The following LAYN variants were observed in gnomAD, a reference collection of about 807,000 sequenced individuals.
LAYN encodes layilin.
In LAYN, 38 loss-of-function variants were observed where a neutral mutation model predicts 43.6. The ratio of observed to expected loss-of-function variants is 0.87; its 90% CI spans 0.67 to 1.14. The LOEUF (loss-of-function observed/expected upper bound fraction) is 1.14, where lower values mean the gene tolerates loss of function less well. LAYN is among the 50% of genes most tolerant of loss of function. The pLI, the probability that LAYN is intolerant of heterozygous loss-of-function variation, is 0.00. For synonymous variants in LAYN, 168 were observed against 172.9 expected (o/e 0.97, Z 0.22); for missense variants, 479 against 463.8 (o/e 1.03, Z -0.30).
chr11:111,560,133 A>T lies in LAYN; in HGVS notation c.800A>T (p.His267Leu), dbSNP rs1477037042. 12 of 1,613,526 alleles carry T rather than the reference A, an allele frequency of 7.4e-6. No individual in the cohort carries two copies. The highest frequency in any genetic ancestry group is 8.5e-6 in the Non-Finnish European group (10 of 1,179,694). ...CCAGACCCTAGCACAAAGAAGCAACACACCATCTGGCCCTCTCCTCACCAG... is the reference window on the plus strand; with the variant it reads ...CCAGACCCTAGCACAAAGAAGCAACTCACCATCTGGCCCTCTCCTCACCAG... ...EQPDPSTKKQ[H>L]TIWPSPHQGN... Residue 267 changes from histidine (H) to leucine (L), a missense_variant, in exon 7 of 7, where the codon CAC becomes CTC. Transcript: ENST00000375614.
intron 3 of LAYN, among the ~76,000 whole-genome samples, chr11:111,553,675 A>G (rs1229956741): frequency 6.6e-6 from 1 of 150,984 alleles, no homozygotes; most frequent in Non-Finnish European, 1.5e-5. Context: ...TAGACATTGT[A>G]TAACTGGGTT....
chr11:111,540,830 AC>A lies in LAYN; in HGVS notation c.-11del. ...GTAGCGCCCGAGTGTCGGGGGGCGC[AC>A]CCGAGTCGGGCCATGAGGCCGGGAA... On this transcript the variant is annotated 5_prime_UTR_variant, in exon 1 of 7. Transcript: ENST00000375614. 4 of 1,520,928 alleles carry A rather than the reference AC, an allele frequency of 2.6e-6. No individual in the cohort carries two copies. Among genetic ancestry groups the A allele is most frequent in the Non-Finnish European group, 3.5e-6 (4 of 1,141,292 alleles). 94.2% of individuals were successfully genotyped at this position (1,520,928 alleles called of 1,614,324 possible).
intron 1 of LAYN, 129 bp from the exon 2 acceptor site, chr11:111,543,794 A>G (rs900379232): frequency 2.7e-6 from 2 of 731,266 alleles, no homozygotes; most frequent in African/African-American, 3.5e-5. Context: ...CCCAACTGAC[A>G]TGATAACAGT....
At chr11:111,555,523 A>C (rs1043401074) in intron 5 of LAYN, among the ~76,000 whole-genome samples, 17 of 152,214 alleles carry the variant, frequency 1.1e-4, no homozygotes. Context: ...AAAAATTTGC[A>C]TGAAGACAGA....
chr11:111,558,523 G>T (rs899253041), intron 6 of LAYN, among the ~76,000 whole-genome samples: 1 of 151,850 alleles, frequency 6.6e-6, no homozygotes, highest in Non-Finnish European at 1.5e-5. Context: ...TATTTCCTTT[G>T]AATCTTAAAG....
intron 2 of LAYN, among the ~76,000 whole-genome samples, chr11:111,548,172 C>T (rs1359564238): frequency 6.6e-6 from 1 of 152,068 alleles, no homozygotes; most frequent in Non-Finnish European, 1.5e-5. Context: ...CAACTTGCAC[C>T]CTGTGTCCAA....
intron 6 of LAYN, 26 bp downstream of exon 6, chr11:111,557,669 C>T: frequency 2.6e-6 from 4 of 1,533,974 alleles, no homozygotes; most frequent in Non-Finnish European, 3.6e-6. Flanking sequence ...ATTGTGTAAA[C>T]CTTTGCATCT....
At chr11:111,550,900 C>G (rs1051872362) in intron 3 of LAYN, among the ~76,000 whole-genome samples, 2 of 152,066 alleles carry the variant, frequency 1.3e-5, no homozygotes. Context: ...CTTTAATATC[C>G]TTTTATTTTG....
intron 3 of LAYN, chr11:111,551,220 A>G: frequency 2.5e-6 from 1 of 397,280 alleles, no homozygotes; most frequent in Non-Finnish European, 5.0e-6. Context: ...TTACCACAAA[A>G]TGCAGCTACT....
rs1369345273 is a variant in LAYN, at chr11:111,549,782, A to G, written c.541+7A>G. 6.3e-7 allele frequency: 1 copy of G among 1,598,878 alleles called. No individual in the cohort carries two copies. The highest frequency in any genetic ancestry group is 1.1e-5 in the South Asian group (1 of 87,574). On this transcript the variant is annotated splice_region_variant and intron_variant, in intron 3 of 6. Coordinates refer to ENST00000375614, the MANE Select transcript of LAYN (RefSeq NM_178834.5). ...ATTTGCAAATATTCTGATGGTAATG[A>G]ATCCTCTCCCAAGCTATGCGGCTGA...
intron 3 of LAYN, 128 bp downstream of exon 3, chr11:111,549,903 A>G: frequency 1.0e-6 from 1 of 967,808 alleles, no homozygotes; most frequent in Non-Finnish European, 1.5e-6. Flanking sequence ...GCAACATAAA[A>G]CCTTAAGAAT....
At chr11:111,551,331 A>G (rs1412010714) in intron 3 of LAYN, 1 of 456,168 alleles carries the variant, frequency 2.2e-6, no homozygotes, top group Admixed American at 2.4e-5. Flanking sequence ...TCATTGGCTA[A>G]GTCCAATCAG....
At chr11:111,546,636 G>T (rs1198998954) in intron 2 of LAYN, among the ~76,000 whole-genome samples, 1 of 152,252 alleles carries the variant, frequency 6.6e-6, no homozygotes, top group African/African-American at 2.4e-5. Flanking sequence ...TGTCATGGAA[G>T]TCTGCTTTAC....
At chr11:111,555,360 AT>A in intron 5 of LAYN, 70 bp downstream of exon 5, 2 of 1,128,850 alleles carry the variant, frequency 1.8e-6, no homozygotes, top group Non-Finnish European at 2.6e-6. Context: ...CCATGGTTGA[AT>A]TCCCTACTTT....
At position 111,560,613 on chromosome 11, in the gene LAYN, C is replaced by T. The variant is rs1867939659; in HGVS notation, c.*155C>T. The T allele has an allele frequency of 2.4e-6, 2 of 828,048 alleles. No homozygotes were observed. The highest frequency in any genetic ancestry group is 5.4e-5 in the East Asian group (2 of 37,078). 51.3% of individuals were successfully genotyped at this position (828,048 alleles called of 1,614,324 possible). On this transcript the variant is annotated 3_prime_UTR_variant, in exon 7 of 7. Coordinates refer to ENST00000375614, the MANE Select transcript of LAYN (RefSeq NM_178834.5). Reference sequence around the variant, plus strand: ...GTCCCCACGACCTCCTGTTGGACCCCCACGTTTTGGCTGTATCCTTTATCC... The same window carrying T: ...GTCCCCACGACCTCCTGTTGGACCCTCACGTTTTGGCTGTATCCTTTATCC...
At chr11:111,541,372 G>A in intron 1 of LAYN, 1 of 634,170 alleles carries the variant, frequency 1.6e-6, no homozygotes, top group Admixed American at 2.4e-5. Flanking sequence ...GGGTAGGGAT[G>A]CTGGATCCCC....
At chr11:111,555,102 A>C in intron 4 of LAYN, 105 bp from the exon 5 acceptor site, 2 of 845,704 alleles carry the variant, frequency 2.4e-6, no homozygotes, top group Non-Finnish European at 3.8e-6. Context: ...GTGCTGGCAA[A>C]ATTTCTACAG....
intron 2 of LAYN, among the ~76,000 whole-genome samples, chr11:111,545,791 C>T (rs1867639347): frequency 6.6e-6 from 1 of 152,200 alleles, no homozygotes; most frequent in African/African-American, 2.4e-5. Flanking sequence ...CTGCTTCCAC[C>T]CCTCAGCTCC....
Position 111,543,509 on chromosome 11 carries a change from A to G in LAYN, c.86-414A>G, listed in dbSNP as rs113611421. Among the ~76,000 whole-genome samples the G allele has an allele frequency of 4.8e-4, 73 of 152,336 alleles. 1 individual carries two copies. The highest frequency in any genetic ancestry group is 1.6e-3 in the African/African-American group (68 of 41,584). On this transcript the variant is annotated intron_variant, in intron 1 of 6. Coordinates refer to ENST00000375614, the MANE Select transcript of LAYN (RefSeq NM_178834.5). ...AATAGAGGAGCCCATGCCTGACTTCAGGAAGCCTCTCTTACCTTAAAGAAC... is the reference window on the plus strand; with the variant it reads ...AATAGAGGAGCCCATGCCTGACTTCGGGAAGCCTCTCTTACCTTAAAGAAC...
Sources: gnomAD v4.1 joint callset for allele counts (sites outside exome capture counted in the v4.1 genomes callset) on GRCh38, gnomAD v4.1.1 for gene constraint, MANE v1.5 for transcripts, NCBI Gene and HGNC (gene_info 2026-07-23, HGNC 2026-07-21) for gene names.